The following RAB38 variants were observed in gnomAD, a reference collection of about 807,000 sequenced individuals.
RAB38 encodes the protein ras-related protein Rab-38.
Under a neutral mutation model 18.4 loss-of-function variants are expected in RAB38, and 15 were observed. That is an observed-to-expected ratio of 0.82 (90% CI 0.55 to 1.26). The LOEUF (loss-of-function observed/expected upper bound fraction) is 1.26. Ranked by LOEUF, RAB38 falls within the 50% of genes most tolerant of loss-of-function variation. RAB38 has a pLI of 0.00. For missense variants in RAB38, 294 were observed against 267.4 expected (o/e 1.10, Z -0.69); for synonymous variants, 101 against 104.4 (o/e 0.97, Z 0.20).
chr11:87,826,571 C>T, the RAB38 span, among the ~76,000 whole-genome samples: 1 of 152,112 alleles, frequency 6.6e-6, no homozygotes, highest in Non-Finnish European at 1.5e-5. Flanking sequence ...TGGGTCTTAA[C>T]ATATAATAAT....
chr11:88,163,122 T>C (rs1201742059), intron 1 of RAB38, among the ~76,000 whole-genome samples: 1 of 152,092 alleles, frequency 6.6e-6, no homozygotes, highest in East Asian at 1.9e-4. Flanking sequence ...GCTGCAAACC[T>C]GTGCAGCCTG....
the RAB38 span, among the ~76,000 whole-genome samples, chr11:87,843,731 G>A: frequency 2.0e-5 from 3 of 152,180 alleles, no homozygotes; most frequent in African/African-American, 7.2e-5. Flanking sequence ...AGGATTAAAT[G>A]AGAAAATATT....
chr11:87,805,028 G>C, the RAB38 span, among the ~76,000 whole-genome samples: 1 of 152,058 alleles, frequency 6.6e-6, no homozygotes, highest in East Asian at 1.9e-4. Context: ...AATTTTAAAA[G>C]CCTGTTTTGG....
chr11:88,024,284 G>C, the RAB38 span, among the ~76,000 whole-genome samples: 1 of 152,078 alleles, frequency 6.6e-6, no homozygotes, highest in Non-Finnish European at 1.5e-5. Flanking sequence ...ATATGAAAAG[G>C]TGCTCAACAT....
chr11:88,022,611 C>CCAAA, the RAB38 span, among the ~76,000 whole-genome samples: 10 of 52,096 alleles, frequency 1.9e-4, no homozygotes, highest in African/African-American at 6.1e-4. Context: ...AAAGACCCCA[C>CCAAA]AAAAAAAAAA....
the RAB38 span, among the ~76,000 whole-genome samples, chr11:87,918,654 C>T: frequency 1.3e-5 from 2 of 152,008 alleles, no homozygotes; most frequent in Non-Finnish European, 2.9e-5. Context: ...TTTCCATATA[C>T]TTGTTGGCTG....
chr11:88,163,836 A>AT (rs1243250806), intron 1 of RAB38, among the ~76,000 whole-genome samples: 2 of 152,222 alleles, frequency 1.3e-5, no homozygotes, highest in African/African-American at 4.8e-5. Flanking sequence ...AGCCCAACAG[A>AT]TTTTTTGTCA....
chr11:88,107,929 T>G, the RAB38 span, among the ~76,000 whole-genome samples: 6 of 152,164 alleles, frequency 3.9e-5, no homozygotes, highest in Non-Finnish European at 1.5e-5. Context: ...TTGTGCAATT[T>G]TGAGTGAGTT....
the RAB38 span, among the ~76,000 whole-genome samples, chr11:87,957,003 C>T: frequency 1.4e-4 from 21 of 151,898 alleles, no homozygotes; most frequent in Non-Finnish European, 2.8e-4. Flanking sequence ...TCCTTGAGTC[C>T]TCATTTCCGA....
At chr11:88,151,365 C>T (rs1332130726) in intron 1 of RAB38, among the ~76,000 whole-genome samples, 1 of 152,096 alleles carries the variant, frequency 6.6e-6, no homozygotes, top group African/African-American at 2.4e-5. Flanking sequence ...AAAAAAATTA[C>T]AAGTATTTCA....
rs911220777 is a variant in RAB38, at chr11:88,144,548, C to T, written c.483+5127G>A. 2.6e-5 allele frequency among the ~76,000 whole-genome samples: 4 copies of T among 152,186 alleles called. No homozygotes were observed. In the South Asian group the frequency reaches 6.2e-4, roughly 24 times the overall value. ...TTCCTCTCCCTAAAAGAAACTAATA[C>T]CATCTTATAGAGAACAGTATTAGAT... On this transcript the variant is annotated intron_variant, in intron 2 of 2. Coordinates refer to ENST00000243662, the MANE Select transcript of RAB38 (RefSeq NM_022337.3).
At chr11:87,830,762 GAAATTAAATTTTAATAAATTA>G in the RAB38 span, among the ~76,000 whole-genome samples, 2 of 151,550 alleles carry the variant, frequency 1.3e-5, no homozygotes. Context: ...TATAGATAAG[GAAATTAAATTTTAATAAATTA>G]AATAAAATTT....
At chr11:88,102,615 A>G in the RAB38 span, among the ~76,000 whole-genome samples, 4 of 152,210 alleles carry the variant, frequency 2.6e-5, no homozygotes, top group Admixed American at 2.6e-4. Context: ...AGAAGGAGAA[A>G]AAGTTATTAG....
chr11:87,835,745 G>A, the RAB38 span, among the ~76,000 whole-genome samples: 7 of 152,090 alleles, frequency 4.6e-5, no homozygotes, highest in African/African-American at 1.4e-4. Context: ...GCCTCAGAAG[G>A]AACCAAAACC....
chr11:87,871,233 C>G, the RAB38 span, among the ~76,000 whole-genome samples: 42 of 151,590 alleles, frequency 2.8e-4, no homozygotes, highest in South Asian at 6.2e-4. Flanking sequence ...TGTGAAATGC[C>G]TAGATTCCAG....
chr11:87,878,260 ATC>A, the RAB38 span, among the ~76,000 whole-genome samples: 2 of 82,628 alleles, frequency 2.4e-5, no homozygotes, highest in East Asian at 3.6e-4. Context: ...TCATCTATCT[ATC>A]TATCTATCTA....
At chr11:88,025,730 G>C in the RAB38 span, among the ~76,000 whole-genome samples, 1 of 151,918 alleles carries the variant, frequency 6.6e-6, no homozygotes. Context: ...TGTGTTTTTT[G>C]CTTGTTCAAT....
chr11:87,944,465 C>A, the RAB38 span, among the ~76,000 whole-genome samples: 1 of 152,094 alleles, frequency 6.6e-6, no homozygotes, highest in African/African-American at 2.4e-5. Context: ...CCCTGTTCCC[C>A]TGTAGTCTTC....
chr11:87,943,529 G>C, the RAB38 span, among the ~76,000 whole-genome samples: 11 of 152,184 alleles, frequency 7.2e-5, no homozygotes, highest in African/African-American at 2.6e-4. Context: ...ATGATTGATA[G>C]AAAATAAGGT....
Sources: gnomAD v4.1 joint callset for allele counts (sites outside exome capture counted in the v4.1 genomes callset) on GRCh38, gnomAD v4.1.1 for gene constraint, MANE v1.5 for transcripts, NCBI Gene and HGNC (gene_info 2026-07-23, HGNC 2026-07-21) for gene names.